PCDH15: variants seen among roughly 807,000 people sequenced by gnomAD.
The protein encoded by PCDH15 is protocadherin-15.
PCDH15 carries 129 observed loss-of-function variants against 178.5 expected under a neutral mutation model. The ratio of observed to expected loss-of-function variants is 0.72; its 90% CI spans 0.63 to 0.84. PCDH15 has a LOEUF of 0.84. Ranked by LOEUF, PCDH15 falls within the 40% of genes least tolerant of loss-of-function variation. The pLI is 0.00. For synonymous variants in PCDH15, 800 were observed against 732.0 expected, an observed-to-expected ratio of 1.09 and a Z score of -1.50; for missense variants, 2,230 against 2,099.9, an observed-to-expected ratio of 1.06 and a Z score of -1.21.
At position 54,034,019 on chromosome 10, in the gene PCDH15, G is replaced by GA. The variant is rs200699814; in HGVS notation, c.2221-10823dup. Among the ~76,000 whole-genome samples, 1,071 of 151,280 alleles carry GA rather than the reference G, an allele frequency of 7.1e-3. 12 individuals carry two copies. The highest frequency in any genetic ancestry group is 0.024 in the African/African-American group (1,011 of 41,316). ...AAATCATTTTCTTGTATCATTTCTA[G>GA]AAAAAAAATTCTTAACTGGAAACTG... On this transcript the variant is annotated intron_variant, in intron 18 of 37. Coordinates refer to ENST00000644397, the MANE Select transcript of PCDH15 (RefSeq NM_001384140.1).
chr10:54,873,719 T>TA lies in PCDH15; in HGVS notation c.-29+23730dup, dbSNP rs1440770852. Among the ~76,000 whole-genome samples, 98 of 138,190 alleles carry TA rather than the reference T, an allele frequency of 7.1e-4. 1 individual carries two copies. The highest frequency in any genetic ancestry group is 1.7e-3 in the South Asian group (7 of 4,154). 90.7% of individuals were successfully genotyped at this position (138,190 alleles called of 152,430 possible). ...TTTATATATATATATATATATATAA[T>TA]ATATGTGTATGTATATATGTATGTA... On this transcript the variant is annotated intron_variant, in intron 3 of 5. Coordinates refer to the PCDH15 transcript ENST00000458638.
intron 2 of PCDH15, among the ~76,000 whole-genome samples, chr10:55,012,247 G>C (rs1055965691): frequency 3.3e-5 from 5 of 151,968 alleles, no homozygotes; most frequent in Non-Finnish European, 7.4e-5. Context: ...TAAAAATATT[G>C]TGTGGTCATT....
chr10:54,352,856 C>T (rs11004252), intron 5 of PCDH15, among the ~76,000 whole-genome samples: 18,461 of 152,090 alleles, frequency 0.12, 1,202 homozygotes, highest in Middle Eastern at 0.2. Context: ...CACGTTTAAT[C>T]AACAATGAGA....
intron 2 of PCDH15, among the ~76,000 whole-genome samples, chr10:55,492,466 C>T (rs893803650): frequency 6.6e-6 from 1 of 151,548 alleles, no homozygotes; most frequent in Non-Finnish European, 1.5e-5. Flanking sequence ...GTAACAAATA[C>T]AAGGAAGGAT....
At chr10:53,821,770 A>G (rs954280692) in intron 32 of PCDH15, 3 of 1,579,450 alleles carry the variant, frequency 1.9e-6, no homozygotes, top group Non-Finnish European at 2.6e-6. Context: ...GTAAAATAAT[A>G]GAGTCTTCTT....
intron 8 of PCDH15, among the ~76,000 whole-genome samples, chr10:54,240,118 A>G (rs562479388): frequency 1.0e-3 from 153 of 152,180 alleles, no homozygotes; most frequent in African/African-American, 3.1e-3. Context: ...TGCCAACACA[A>G]CCTCCACAGT....
intron 32 of PCDH15, among the ~76,000 whole-genome samples, chr10:53,823,585 A>C (rs1436539030): frequency 6.6e-6 from 1 of 151,918 alleles, no homozygotes; most frequent in Non-Finnish European, 1.5e-5. Context: ...ATGAAAAAAA[A>C]AGTACTCATC....
rs560905489 is a variant in PCDH15 at position 53,981,641 on chromosome 10, T to C, written c.2868+14008A>G. Among the ~76,000 whole-genome samples, 136 of 150,456 alleles carry C rather than the reference T, an allele frequency of 9.0e-4. 1 individual carries two copies. Among genetic ancestry groups the C allele is most frequent in the African/African-American group, 3.2e-3 (132 of 40,850 alleles). ...ATGTAGAAAGCTGAAACTGGATCCC[T>C]TCCTTACACCTTATACAAAAATCAA... On this transcript the variant is annotated intron_variant, in intron 21 of 37. Transcript: ENST00000644397.
chr10:54,506,755 T>A (rs2081201241), intron 3 of PCDH15, among the ~76,000 whole-genome samples: 1 of 152,042 alleles, frequency 6.6e-6, no homozygotes, highest in Non-Finnish European at 1.5e-5. Context: ...ATTAACTCAT[T>A]AGTATTCCGC....
chr10:55,147,639 T>C (rs1838561917), intron 2 of PCDH15, among the ~76,000 whole-genome samples: 1 of 98,368 alleles, frequency 1.0e-5, no homozygotes, highest in South Asian at 4.3e-4. Context: ...TTTCTCCCTA[T>C]CTTTCCTCTT....
chr10:54,955,241 A>C (rs1161554275), intron 2 of PCDH15, among the ~76,000 whole-genome samples: 1 of 151,294 alleles, frequency 6.6e-6, no homozygotes, highest in Non-Finnish European at 1.5e-5. Flanking sequence ...ATATCAAATA[A>C]TTATATTGCT....
At chr10:54,060,828 T>C (rs182149043) in intron 18 of PCDH15, among the ~76,000 whole-genome samples, 68 of 152,192 alleles carry the variant, frequency 4.5e-4, no homozygotes, top group African/African-American at 1.4e-3. Flanking sequence ...CATTAAAGTA[T>C]GTAAGGAGCA....
At chr10:55,562,442 C>T (rs774620662) in intron 2 of PCDH15, among the ~76,000 whole-genome samples, 2 of 151,798 alleles carry the variant, frequency 1.3e-5, no homozygotes, top group Non-Finnish European at 2.9e-5. Flanking sequence ...CCTAATCTAA[C>T]GTCATTTTCC....
intron 3 of PCDH15, among the ~76,000 whole-genome samples, chr10:54,514,132 T>C (rs985341653): frequency 6.6e-6 from 1 of 152,234 alleles, no homozygotes; most frequent in Admixed American, 6.5e-5. Flanking sequence ...AGGATATTTC[T>C]TTTACATATT....
intron 14 of PCDH15, among the ~76,000 whole-genome samples, chr10:54,146,974 T>C (rs1400415436): frequency 7.0e-6 from 1 of 143,272 alleles, no homozygotes; most frequent in Non-Finnish European, 1.5e-5. Context: ...TGTATATATA[T>C]AGTGTATATA....
In PCDH15 at chr10:54,148,483, C is replaced by CA. The variant is rs200196843; in HGVS notation, c.1784+4616dup. Among the ~76,000 whole-genome samples the CA allele has an allele frequency of 5.7e-3, 868 of 151,878 alleles. 5 individuals carry two copies. Among genetic ancestry groups the CA allele is most frequent in the African/African-American group, 0.019 (799 of 41,426 alleles). On this transcript the variant is annotated intron_variant, in intron 14 of 37. Transcript: ENST00000644397. ...TATACTGTAGTTTAGAGAATAATGA[C>CA]AAAAAAAGTCTGCGCATGTTCAGTA...
At chr10:54,273,369 T>C (rs997067230) in intron 8 of PCDH15, among the ~76,000 whole-genome samples, 1 of 98,544 alleles carries the variant, frequency 1.0e-5, no homozygotes, top group African/African-American at 3.0e-5. Flanking sequence ...AAGGAAGTAG[T>C]ACAGTAAAAA....
intron 2 of PCDH15, among the ~76,000 whole-genome samples, chr10:54,972,597 C>T (rs551180989): frequency 2.0e-5 from 3 of 151,788 alleles, no homozygotes; most frequent in Non-Finnish European, 2.9e-5. Flanking sequence ...GCCTGTAATC[C>T]CAGCACTTTT....
intron 20 of PCDH15, among the ~76,000 whole-genome samples, chr10:54,018,279 A>G (rs992898355): frequency 6.6e-6 from 1 of 152,138 alleles, no homozygotes; most frequent in Non-Finnish European, 1.5e-5. Flanking sequence ...ACTGGCCACT[A>G]AACAAAATAA....
Sources: allele counts gnomAD v4.1 joint callset (sites outside exome capture counted in the v4.1 genomes callset), GRCh38; gene constraint gnomAD v4.1.1; transcripts MANE v1.5; gene names NCBI Gene and HGNC (gene_info 2026-07-23, HGNC 2026-07-21).